Variants in LRP1 observed in about 807,000 individuals in gnomAD.
LRP1 encodes the protein LDL receptor related protein 1, also known as prolow-density lipoprotein receptor-related protein 1.
LRP1 carries 51 observed loss-of-function variants against 541.5 expected under a neutral mutation model. The ratio of observed to expected loss-of-function variants is 0.09; its 90% CI spans 0.08 to 0.12. LRP1 has a LOEUF of 0.12. Among genes scored for constraint, LRP1 ranks in the 10% least tolerant of loss-of-function variants. The pLI, the probability that LRP1 is intolerant of heterozygous loss-of-function variation, is 1.00. For synonymous variants in LRP1, 2,219 were observed against 2,470.8 expected (o/e 0.90, Z 3.02); for missense variants, 3,878 against 6,376.2 (o/e 0.61, Z 13.34).
intron 62 of LRP1, 171 bp from the exon 63 acceptor site, chr12:57,200,271 C>T: frequency 3.1e-6 from 2 of 654,024 alleles, no homozygotes; most frequent in Non-Finnish European, 5.6e-6. Flanking sequence ...CTTCCCCACC[C>T]TATCCCACGC....
chr12:57,131,524 A>G (rs926391508), intron 1 of LRP1, among the ~76,000 whole-genome samples: 1 of 152,056 alleles, frequency 6.6e-6, no homozygotes, highest in Non-Finnish European at 1.5e-5. Flanking sequence ...CAGTTACTAG[A>G]GTAGGTACAG....
At position 57,154,644 on chromosome 12, in the gene LRP1, T is replaced by C. The variant is rs369780844; in HGVS notation, c.1170T>C (p.Tyr390=). 14 of 1,595,332 alleles carry C rather than the reference T, an allele frequency of 8.8e-6. No individual in the cohort carries two copies. The African/African-American group carries it at 1.9e-4, about 21-fold the overall frequency. The change falls in exon 8 of 89, where the codon TAT becomes TAC. Residue 390 remains tyrosine (Y), a synonymous_variant. Transcript: ENST00000243077. This position sits in a 1 kb window ranked among gnomAD's most constrained non-coding sequence, Gnocchi z 4.6. ...ACTGGGCAGATGCCTATCTGGACTA[T>C]ATTGAAGTGGTGGACTATGAGGGCA... ...LVYWADAYLD[Y]IEVVDYEGKG...
chr12:57,186,924 C>T (rs2036281887), intron 41 of LRP1, among the ~76,000 whole-genome samples: 1 of 152,230 alleles, frequency 6.6e-6, no homozygotes, highest in Non-Finnish European at 1.5e-5. Flanking sequence ...GGGGGCTCCC[C>T]AGTACAGCCC....
rs2035481453 is a variant in LRP1, at chr12:57,149,371, C to T, written c.841+3881C>T. On this transcript the variant is annotated intron_variant, in intron 6 of 88. Transcript: ENST00000243077. Reference sequence around the variant, plus strand: ...CACTCTTGCTCCTCCTCTCTCCTGGCCCGGGCCAGCCCTGTGTCTCCCGGC... The same window carrying T: ...CACTCTTGCTCCTCCTCTCTCCTGGTCCGGGCCAGCCCTGTGTCTCCCGGC... 1.9e-5 allele frequency: 10 copies of T among 517,008 alleles called. No homozygotes were observed. In the East Asian group the frequency reaches 3.3e-4, roughly 17 times the overall value. The allele number at this position is 517,008 out of a possible 1,614,324, so 32.0% of individuals were successfully genotyped here. A position where few individuals can be genotyped will look rare whatever the true frequency, so the allele number is the denominator to read the frequency against.
chr12:57,176,418 G>C (rs2036048326), intron 24 of LRP1, among the ~76,000 whole-genome samples: 2 of 152,244 alleles, frequency 1.3e-5, no homozygotes, highest in Admixed American at 1.3e-4. Flanking sequence ...CCTGAACGCT[G>C]CTTTCTGTCC....
intron 15 of LRP1, among the ~76,000 whole-genome samples, chr12:57,163,598 A>G (rs1173536223): frequency 1.3e-5 from 2 of 151,944 alleles, no homozygotes; most frequent in Non-Finnish European, 1.5e-5. Context: ...AAAAATTAAC[A>G]TTAAAAAATA....
Position 57,184,509 on chromosome 12 carries a change from T to A in LRP1, c.6186+57T>A. The A allele has an allele frequency of 6.2e-7, 1 of 1,606,460 alleles. No homozygotes were observed. Among genetic ancestry groups the A allele is most frequent in the Non-Finnish European group, 8.5e-7 (1 of 1,176,604 alleles). ...GGTAGACCCCTGACCCAGGCTCCTG[T>A]TCCCTGTGATGAGCCCATTCTGGGA... On this transcript the variant is annotated intron_variant, in intron 38 of 88. Coordinates refer to ENST00000243077, the MANE Select transcript of LRP1 (RefSeq NM_002332.3). The surrounding 1 kb of genome is among the most constrained non-coding windows in gnomAD (Gnocchi z 7.8).
chr12:57,132,468 ACT>A (rs961144613), intron 1 of LRP1, among the ~76,000 whole-genome samples: 10 of 152,152 alleles, frequency 6.6e-5, no homozygotes, highest in Admixed American at 2.6e-4. Context: ...TAGGGCCGAG[ACT>A]CTGTCTCTCC....
chr12:57,182,103 T>A (rs535087921), intron 34 of LRP1, among the ~76,000 whole-genome samples: 1 of 152,316 alleles, frequency 6.6e-6, no homozygotes, highest in South Asian at 2.1e-4. Flanking sequence ...CATTTTTTTT[T>A]CACTGAGTCT....
intron 83 of LRP1, 76 bp downstream of exon 83, chr12:57,210,955 C>G: frequency 6.5e-7 from 1 of 1,538,266 alleles, no homozygotes; most frequent in African/African-American, 1.4e-5. Flanking sequence ...TGATGTTCAA[C>G]CTGTGCCTGG....
In LRP1 at chr12:57,179,163, G is replaced by A; in HGVS notation, c.4738+142G>A. On this transcript the variant is annotated intron_variant, in intron 28 of 88. Coordinates refer to ENST00000243077, the MANE Select transcript of LRP1 (RefSeq NM_002332.3). The surrounding 1 kb of genome is among the most constrained non-coding windows in gnomAD (Gnocchi z 6.8). ...GAGGCTCCAGAGACAGCCACTGTGA[G>A]AAGGGGCTGCAGGTCTGCCAGGGGG... The A allele has an allele frequency of 1.5e-6, 2 of 1,309,662 alleles. No homozygotes were observed. The highest frequency in any genetic ancestry group is 2.1e-6 in the Non-Finnish European group (2 of 958,466). The allele number at this position is 1,309,662 out of a possible 1,614,324, so 81.1% of individuals were successfully genotyped here. A position where few individuals can be genotyped will look rare whatever the true frequency, so the allele number is the denominator to read the frequency against.
At chr12:57,199,124 T>C in intron 60 of LRP1, 88 bp from the exon 61 acceptor site, 1 of 1,203,164 alleles carries the variant, frequency 8.3e-7, no homozygotes, top group South Asian at 1.3e-5. Context: ...CCTCTCAGGG[T>C]GGTGGTAGGG....
intron 42 of LRP1, among the ~76,000 whole-genome samples, chr12:57,188,687 G>A (rs1250886719): frequency 6.6e-6 from 1 of 152,234 alleles, no homozygotes; most frequent in Non-Finnish European, 1.5e-5. Flanking sequence ...TGAGGCCAGG[G>A]GATTCCATCA....
In LRP1 at chr12:57,210,474, C is replaced by G. The variant is rs1295691856; in HGVS notation, c.12748C>G (p.Pro4250Ala). The change falls in exon 82 of 89, where the codon CCC becomes GCC. Residue 4250 changes from proline to alanine, a missense_variant. Around this residue, in one of 13 missense-constraint regions of LRP1, gnomAD observed 871 missense variants for 1,212.4 expected, o/e 0.72. Transcript: ENST00000243077. Reference sequence around the variant, plus strand: ...CAATGGGGGCACCTGTGCTGCCTCCCCCTCTGGTATGCCCCCTCATCCCGC... The same window carrying G: ...CAATGGGGGCACCTGTGCTGCCTCCGCCTCTGGTATGCCCCCTCATCCCGC... The part of the protein sequence containing the change: ...CRNGGTCAAS[P>A]SGMPTCRCPT... 1 of 1,525,476 alleles carries G rather than the reference C, an allele frequency of 6.6e-7. No homozygotes were observed. Among genetic ancestry groups the G allele is most frequent in the East Asian group, 2.3e-5 (1 of 43,858 alleles). 94.5% of individuals were successfully genotyped at this position (1,525,476 alleles called of 1,614,324 possible). A position where few individuals can be genotyped will look rare whatever the true frequency, so the allele number is the denominator to read the frequency against.
At chr12:57,188,204 C>G (rs775037219) in intron 42 of LRP1, among the ~76,000 whole-genome samples, 19 of 152,196 alleles carry the variant, frequency 1.2e-4, no homozygotes, top group Non-Finnish European at 2.2e-4. Flanking sequence ...TCAGCCTGCT[C>G]TGTTCTCCCG....
At chr12:57,151,731 T>C (rs1448977482) in intron 6 of LRP1, among the ~76,000 whole-genome samples, 1 of 152,234 alleles carries the variant, frequency 6.6e-6, no homozygotes, top group Non-Finnish European at 1.5e-5. Flanking sequence ...AGCCCATCTC[T>C]CTACACTGGC....
At chr12:57,138,006 C>A (rs1419317247) in intron 1 of LRP1, among the ~76,000 whole-genome samples, 1 of 152,044 alleles carries the variant, frequency 6.6e-6, no homozygotes, top group Non-Finnish European at 1.5e-5. Context: ...AGGAGTGTCC[C>A]AGAAGGCAGG....
rs553498758 is a variant in LRP1 at position 57,206,760 on chromosome 12, G to A, written c.11859+19G>A. On this transcript the variant is annotated intron_variant, in intron 76 of 88. Coordinates refer to ENST00000243077, the MANE Select transcript of LRP1 (RefSeq NM_002332.3). The surrounding 1 kb of genome is among the most constrained non-coding windows in gnomAD (Gnocchi z 4.7). ...CCTCAACGTGAGTGCCCAACCTGGCGTGGATGGAGTGGAAGAGCTCCATAG... is the reference window on the plus strand; with the variant it reads ...CCTCAACGTGAGTGCCCAACCTGGCATGGATGGAGTGGAAGAGCTCCATAG... The A allele has an allele frequency of 3.5e-5, 57 of 1,606,796 alleles. No homozygotes were observed. The highest frequency in any genetic ancestry group is 1.2e-4 in the African/African-American group (9 of 75,042).
chr12:57,129,671 G>T (rs537185834), intron 1 of LRP1, among the ~76,000 whole-genome samples: 2 of 152,214 alleles, frequency 1.3e-5, no homozygotes, highest in Admixed American at 1.3e-4. Context: ...GGCTGTGTTG[G>T]GGGGCAGAGA....
Sources: allele counts gnomAD v4.1 joint callset (sites outside exome capture counted in the v4.1 genomes callset), GRCh38; gene constraint gnomAD v4.1.1; regional missense constraint gnomAD v4.1.1; non-coding constraint Gnocchi (gnomAD v3.1); transcripts MANE v1.5; gene names NCBI Gene and HGNC (gene_info 2026-07-23, HGNC 2026-07-21).